The following C8orf34 variants were observed in gnomAD, a reference collection of about 807,000 sequenced individuals.
C8orf34 encodes uncharacterized protein C8orf34.
A neutral mutation model predicts 68.3 loss-of-function variants in C8orf34; 65 were observed. The observed-to-expected ratio is 0.95, with a 90% CI of 0.78 to 1.17. The LOEUF (loss-of-function observed/expected upper bound fraction) is 1.17. Among genes scored for constraint, C8orf34 ranks in the 50% most tolerant of loss-of-function variants. The pLI, the probability that C8orf34 is intolerant of heterozygous loss-of-function variation, is 0.00. For missense variants in C8orf34, 664 were observed against 655.4 expected, an observed-to-expected ratio of 1.01 and a Z score of -0.14; for synonymous variants, 244 against 241.2, an observed-to-expected ratio of 1.01 and a Z score of -0.11.
intron 7 of C8orf34, among the ~76,000 whole-genome samples, chr8:68,601,394 C>T (rs945097410): frequency 6.6e-6 from 1 of 151,900 alleles, no homozygotes; most frequent in Non-Finnish European, 1.5e-5. Flanking sequence ...CTACATGTCC[C>T]TAAGACTGTT....
intron 7 of C8orf34, among the ~76,000 whole-genome samples, chr8:68,581,208 A>G (rs1472657363): frequency 6.6e-6 from 1 of 152,098 alleles, no homozygotes; most frequent in Non-Finnish European, 1.5e-5. Flanking sequence ...AAGTGGATGT[A>G]GTTGTGGAGA....
chr8:68,527,171 AG>A (rs887664764), intron 6 of C8orf34, among the ~76,000 whole-genome samples: 38 of 152,188 alleles, frequency 2.5e-4, no homozygotes, highest in African/African-American at 9.2e-4. Context: ...TCACATGTCC[AG>A]GATGCCCCCT....
rs61562318 is a variant in C8orf34 at position 68,367,912 on chromosome 8, G to GAAAAAA, written c.327+36593_327+36598dup. Among the ~76,000 whole-genome samples, 142 of 79,076 alleles carry GAAAAAA rather than the reference G, an allele frequency of 1.8e-3. 1 individual carries two copies. Among genetic ancestry groups the GAAAAAA allele is most frequent in the African/African-American group, 3.6e-3 (79 of 21,994 alleles). The allele number at this position is 79,076 out of a possible 152,430, so 51.9% of individuals were successfully genotyped here. ...CCTAAAGTATAATAAAAAAAGAAAAGAAAAAAAAAAAAAAAAAAAAAAAAA... is the reference window on the plus strand; with the variant it reads ...CCTAAAGTATAATAAAAAAAGAAAAGAAAAAAAAAAAAAAAAAAAAAAAAAAAAAAA... On this transcript the variant is annotated intron_variant, in intron 1 of 13. Coordinates refer to ENST00000518698, the MANE Select transcript of C8orf34 (RefSeq NM_052958.4).
chr8:68,757,593 C>T (rs561504246), intron 10 of C8orf34, among the ~76,000 whole-genome samples: 1 of 152,034 alleles, frequency 6.6e-6, no homozygotes, highest in Admixed American at 6.5e-5. Context: ...TGCACTCCAG[C>T]CTGGGCAATA....
chr8:68,660,913 A>G (rs1407249543), intron 8 of C8orf34, among the ~76,000 whole-genome samples: 3 of 152,028 alleles, frequency 2.0e-5, no homozygotes, highest in Non-Finnish European at 2.9e-5. Context: ...GGGGGGAAAA[A>G]CAACAGCTAC....
At chr8:68,715,667 AG>A (rs1165384028) in intron 9 of C8orf34, among the ~76,000 whole-genome samples, 2 of 148,732 alleles carry the variant, frequency 1.3e-5, no homozygotes, top group Admixed American at 1.3e-4. Flanking sequence ...AAAAAAAAAA[AG>A]ATGTTGGTGT....
At chr8:68,568,218 T>G (rs1816655620) in intron 7 of C8orf34, among the ~76,000 whole-genome samples, 1 of 152,108 alleles carries the variant, frequency 6.6e-6, no homozygotes, top group African/African-American at 2.4e-5. Flanking sequence ...CTGTGGTGCT[T>G]TCTTATCATT....
chr8:68,690,209 TTA>T (rs1434967741), intron 8 of C8orf34, among the ~76,000 whole-genome samples: 1 of 152,150 alleles, frequency 6.6e-6, no homozygotes, highest in Non-Finnish European at 1.5e-5. Context: ...TAGTTTTTTT[TTA>T]TATGAGTGTT....
chr8:68,371,065 A>G (rs996408180), intron 1 of C8orf34, among the ~76,000 whole-genome samples: 49 of 152,250 alleles, frequency 3.2e-4, no homozygotes, highest in Middle Eastern at 3.4e-3. Context: ...CCCTTGATCA[A>G]GGGAAGGTGA....
rs1824090146 is a variant in C8orf34, at chr8:68,794,032, A to G, written c.1549+6496A>G. The stretch of plus-strand genomic sequence containing the variant: ...AGTTTCATTTATTATTAACATAACA[A>G]ATGTTATATTCATAAGCTATGAGGG... On this transcript the variant is annotated intron_variant, in intron 12 of 13. Transcript: ENST00000518698. Among the ~76,000 whole-genome samples the G allele has an allele frequency of 2.0e-5, 3 of 152,170 alleles. No homozygotes were observed. In the South Asian group the frequency reaches 6.2e-4, roughly 31 times the overall value.
At chr8:68,369,263 T>G (rs1466612244) in intron 1 of C8orf34, among the ~76,000 whole-genome samples, 1 of 152,244 alleles carries the variant, frequency 6.6e-6, no homozygotes, top group African/African-American at 2.4e-5. Flanking sequence ...AATCACTGTA[T>G]TCCTGCGTTT....
intron 3 of C8orf34, among the ~76,000 whole-genome samples, chr8:68,466,557 G>T (rs182974057): frequency 6.6e-6 from 1 of 151,558 alleles, no homozygotes; most frequent in South Asian, 2.1e-4. Context: ...TATCTTTATG[G>T]TAATATACTT....
intron 1 of C8orf34, among the ~76,000 whole-genome samples, chr8:68,375,170 A>G (rs1408555701): frequency 6.6e-6 from 1 of 152,198 alleles, no homozygotes; most frequent in African/African-American, 2.4e-5. Flanking sequence ...TTTATGTGCA[A>G]TAAAGTGACA....
At chr8:68,585,930 A>G (rs1214015490) in intron 7 of C8orf34, among the ~76,000 whole-genome samples, 1 of 152,080 alleles carries the variant, frequency 6.6e-6, no homozygotes, top group East Asian at 1.9e-4. Context: ...GCCATATTCT[A>G]TCAGTCACCC....
intron 4 of C8orf34, among the ~76,000 whole-genome samples, chr8:68,470,910 A>G (rs904949452): frequency 6.6e-6 from 1 of 152,110 alleles, no homozygotes; most frequent in Non-Finnish European, 1.5e-5. Context: ...TTGGGAGGAC[A>G]CCAACATTCA....
At chr8:68,762,884 C>G (rs1402201394) in intron 10 of C8orf34, among the ~76,000 whole-genome samples, 3 of 152,126 alleles carry the variant, frequency 2.0e-5, no homozygotes, top group Non-Finnish European at 4.4e-5. Flanking sequence ...GGTTTTAGAC[C>G]ACGAAGGAAT....
intron 12 of C8orf34, among the ~76,000 whole-genome samples, chr8:68,796,762 G>A (rs73283854): frequency 0.095 from 14,469 of 151,680 alleles, 766 homozygotes; most frequent in Non-Finnish European, 0.12. Context: ...GTAGTCCTGT[G>A]GCAATGAGAT....
intron 8 of C8orf34, among the ~76,000 whole-genome samples, chr8:68,658,939 A>C (rs1023876793): frequency 2.0e-5 from 3 of 152,136 alleles, no homozygotes; most frequent in African/African-American, 7.2e-5. Context: ...TATAGGTGTA[A>C]TCTTACCGTT....
At chr8:68,810,788 T>TA (rs1824627375) in intron 12 of C8orf34, among the ~76,000 whole-genome samples, 1 of 152,092 alleles carries the variant, frequency 6.6e-6, no homozygotes, top group South Asian at 2.1e-4. Context: ...CCACAGTGGG[T>TA]AGCTCCTCTC....
Sources: allele counts gnomAD v4.1 joint callset (sites outside exome capture counted in the v4.1 genomes callset), GRCh38; gene constraint gnomAD v4.1.1; transcripts MANE v1.5; gene names NCBI Gene and HGNC (gene_info 2026-07-23, HGNC 2026-07-21).